CTTNBP2: variants seen among roughly 807,000 people sequenced by gnomAD.
CTTNBP2 encodes cortactin-binding protein 2.
In CTTNBP2, 108 loss-of-function variants were observed where a neutral mutation model predicts 156.9. The observed-to-expected ratio is 0.69, with a 90% CI of 0.59 to 0.81. The LOEUF is 0.81. Among genes scored for constraint, CTTNBP2 ranks in the 30% least tolerant of loss-of-function variants. The probability of loss-of-function intolerance (pLI) is 0.00; values close to 1 mark genes in which losing one functional copy is unlikely to be tolerated. For missense variants in CTTNBP2, 1,924 were observed against 2,035.4 expected (o/e 0.95, Z 1.05); for synonymous variants, 767 against 751.8 (o/e 1.02, Z -0.33).
At position 117,782,241 on chromosome 7, in the gene CTTNBP2, A is replaced by G. The variant is rs372127713; in HGVS notation, c.2372+621T>C. Among the ~76,000 whole-genome samples the G allele has an allele frequency of 5.9e-5, 9 of 152,328 alleles. No individual in the cohort carries two copies. In the East Asian group the frequency reaches 1.7e-3, roughly 29 times the overall value. The stretch of plus-strand genomic sequence containing the variant: ...CTATTTTCTATTTTTTTAAGTTAAA[A>G]TATGACTTTTAATGTTAAAAAGTCA... On this transcript the variant is annotated intron_variant, in intron 6 of 22. Transcript: ENST00000160373.
chr7:117,777,138 C>A (rs1376012486), intron 8 of CTTNBP2, among the ~76,000 whole-genome samples: 1 of 152,142 alleles, frequency 6.6e-6, no homozygotes, highest in African/African-American at 2.4e-5. Flanking sequence ...AGAATGAGCT[C>A]TGCAGCACGA....
intron 3 of CTTNBP2, among the ~76,000 whole-genome samples, chr7:117,801,906 ATTTT>A (rs201517444): frequency 2.6e-5 from 4 of 151,910 alleles, no homozygotes; most frequent in Non-Finnish European, 5.9e-5. Flanking sequence ...TATTTTTTTT[ATTTT>A]TTTATTTTTA....
At chr7:117,813,937 T>C (rs1320188635) in intron 2 of CTTNBP2, among the ~76,000 whole-genome samples, 2 of 152,238 alleles carry the variant, frequency 1.3e-5, no homozygotes, top group South Asian at 4.1e-4. Context: ...TTACAATAAT[T>C]TGCATCTTGT....
At chr7:117,810,110 A>G (rs1165190602) in intron 3 of CTTNBP2, among the ~76,000 whole-genome samples, 1 of 151,792 alleles carries the variant, frequency 6.6e-6, no homozygotes, top group African/African-American at 2.4e-5. Flanking sequence ...TATGTGTGTG[A>G]TGGTGGGGGA....
chr7:117,826,386 T>C (rs1424016115), intron 2 of CTTNBP2, among the ~76,000 whole-genome samples: 3 of 152,172 alleles, frequency 2.0e-5, no homozygotes, highest in Non-Finnish European at 4.4e-5. Flanking sequence ...CTTTAATACA[T>C]GAAATCAGTT....
intron 9 of CTTNBP2, among the ~76,000 whole-genome samples, chr7:117,761,022 C>T (rs1302380309): frequency 6.6e-6 from 1 of 152,100 alleles, no homozygotes; most frequent in Non-Finnish European, 1.5e-5. Context: ...AGAACTATAA[C>T]CCTCCCTTGA....
At chr7:117,817,456 A>C (rs1800689890) in intron 2 of CTTNBP2, among the ~76,000 whole-genome samples, 1 of 146,234 alleles carries the variant, frequency 6.8e-6, no homozygotes, top group South Asian at 2.2e-4. Context: ...TTGAAAGTTG[A>C]CCATTATTAC....
chr7:117,794,104 G>A (rs183044673), intron 3 of CTTNBP2, among the ~76,000 whole-genome samples: 3 of 152,310 alleles, frequency 2.0e-5, no homozygotes, highest in Non-Finnish European at 4.4e-5. Flanking sequence ...ATTGTATATT[G>A]AATGAATGAG....
intron 12 of CTTNBP2, among the ~76,000 whole-genome samples, chr7:117,753,066 AAAAC>A (rs748356574): frequency 5.9e-5 from 9 of 152,218 alleles, no homozygotes; most frequent in South Asian, 4.1e-4. Flanking sequence ...AATTTACAAG[AAAAC>A]AAACAAACCC....
chr7:117,762,031 C>A (rs1797242774), intron 9 of CTTNBP2, among the ~76,000 whole-genome samples: 4 of 152,178 alleles, frequency 2.6e-5, no homozygotes, highest in Non-Finnish European at 5.9e-5. Flanking sequence ...ATATACTCCT[C>A]CTGGATCTCC....
At chr7:117,794,996 G>T (rs1046290555) in intron 3 of CTTNBP2, among the ~76,000 whole-genome samples, 4 of 143,098 alleles carry the variant, frequency 2.8e-5, no homozygotes, top group Non-Finnish European at 6.0e-5. Context: ...CCGGGTTCAC[G>T]CCATTCTCCT....
intron 8 of CTTNBP2, 98 bp from the exon 9 acceptor site, chr7:117,767,274 G>A: frequency 1.4e-6 from 1 of 733,380 alleles, no homozygotes; most frequent in South Asian, 1.5e-5. Flanking sequence ...ATCACATCAA[G>A]AATTCATGGC....
chr7:117,780,343 C>T, intron 7 of CTTNBP2, 98 bp downstream of exon 7: 1 of 800,126 alleles, frequency 1.2e-6, no homozygotes, highest in Non-Finnish European at 1.8e-6. Context: ...CAAAATAAAG[C>T]AACCTCTATT....
At chr7:117,787,562 A>G (rs1251171569) in intron 4 of CTTNBP2, among the ~76,000 whole-genome samples, 2 of 152,226 alleles carry the variant, frequency 1.3e-5, no homozygotes, top group Non-Finnish European at 2.9e-5. Context: ...AAAAAACAGA[A>G]AAAACAATTT....
intron 2 of CTTNBP2, among the ~76,000 whole-genome samples, chr7:117,812,907 G>A (rs927094825): frequency 2.0e-5 from 3 of 152,012 alleles, no homozygotes; most frequent in East Asian, 1.9e-4. Context: ...ATCTTCATTC[G>A]GTGGTACGGC....
intron 8 of CTTNBP2, among the ~76,000 whole-genome samples, chr7:117,768,565 C>CAAAA (rs747773487): frequency 1.1e-4 from 6 of 55,532 alleles, no homozygotes; most frequent in African/African-American, 2.8e-4. Context: ...GACTCTGTCT[C>CAAAA]AAAAAAAAAA....
At chr7:117,794,779 C>G (rs913792022) in intron 3 of CTTNBP2, among the ~76,000 whole-genome samples, 1 of 150,044 alleles carries the variant, frequency 6.7e-6, no homozygotes, top group African/African-American at 2.5e-5. Flanking sequence ...TACATATATA[C>G]TTTATTCTAC....
At chr7:117,871,249 T>TA (rs1266262283) in intron 1 of CTTNBP2, among the ~76,000 whole-genome samples, 1 of 152,220 alleles carries the variant, frequency 6.6e-6, no homozygotes, top group African/African-American at 2.4e-5. Context: ...TCCTTTCACT[T>TA]AAAAATCAGT....
At chr7:117,840,914 T>C (rs1355604562) in intron 2 of CTTNBP2, among the ~76,000 whole-genome samples, 1 of 152,182 alleles carries the variant, frequency 6.6e-6, no homozygotes, top group Non-Finnish European at 1.5e-5. Context: ...AACTTTCTAG[T>C]CTCAGGACCC....
Sources: allele counts gnomAD v4.1 joint callset (sites outside exome capture counted in the v4.1 genomes callset), GRCh38; gene constraint gnomAD v4.1.1; transcripts MANE v1.5; gene names NCBI Gene and HGNC (gene_info 2026-07-23, HGNC 2026-07-21).